The following FBXW7 variants were observed in gnomAD, a reference collection of about 807,000 sequenced individuals.
FBXW7 encodes F-box/WD repeat-containing protein 7.
A neutral mutation model predicts 86.3 loss-of-function variants in FBXW7; 11 were observed. The ratio of observed to expected loss-of-function variants is 0.13; its 90% CI spans 0.08 to 0.21. The LOEUF is 0.21. FBXW7 is among the 10% of genes least tolerant of loss of function. The probability of loss-of-function intolerance (pLI) is 1.00; values close to 1 mark genes in which losing one functional copy is unlikely to be tolerated. For synonymous variants in FBXW7, 313 were observed against 297.9 expected, an observed-to-expected ratio of 1.05 and a Z score of -0.52; for missense variants, 488 against 847.4, an observed-to-expected ratio of 0.58 and a Z score of 5.27.
intron 2 of FBXW7, among the ~76,000 whole-genome samples, chr4:152,445,266 A>G (rs924106990): frequency 4.6e-5 from 7 of 152,240 alleles, no homozygotes; most frequent in Admixed American, 6.5e-5. Flanking sequence ...AATCATTTAT[A>G]TTACATCTTC....
chr4:152,517,743 A>C (rs982382781), intron 2 of FBXW7, among the ~76,000 whole-genome samples: 1 of 152,232 alleles, frequency 6.6e-6, no homozygotes, highest in African/African-American at 2.4e-5. Flanking sequence ...TCACATAATA[A>C]ACACTCAAAT....
rs1359022079 is a variant in FBXW7, at chr4:152,535,489, C to A, written c.-575G>T. On this transcript the variant is annotated 5_prime_UTR_variant, in exon 1 of 14. Coordinates refer to ENST00000281708, the MANE Select transcript of FBXW7 (RefSeq NM_001349798.2). ...GCCGCTTCACATCGGGGTCCCCGCCCCCCCGGCCGGGGGGTGGTTGCCGAG... is the reference window on the plus strand; with the variant it reads ...GCCGCTTCACATCGGGGTCCCCGCCACCCCGGCCGGGGGGTGGTTGCCGAG... The A allele has an allele frequency of 1.3e-5, 5 of 394,590 alleles. No homozygotes were observed. The highest frequency in any genetic ancestry group is 1.3e-4 in the South Asian group (1 of 7,432). The allele number at this position is 394,590 out of a possible 1,614,324, so 24.4% of individuals were successfully genotyped here.
chr4:152,437,378 C>CAA (rs752037515), intron 2 of FBXW7, among the ~76,000 whole-genome samples: 1 of 127,684 alleles, frequency 7.8e-6, no homozygotes. Context: ...GACTCCATCT[C>CAA]AAAAAAAAAA....
At chr4:152,473,955 T>C (rs1361399038) in intron 2 of FBXW7, among the ~76,000 whole-genome samples, 3 of 152,104 alleles carry the variant, frequency 2.0e-5, no homozygotes, top group Admixed American at 6.6e-5. Flanking sequence ...GATTAACTTA[T>C]TGAAAATAAG....
chr4:152,323,764 G>A (rs897232860), intron 13 of FBXW7: 4 of 175,796 alleles, frequency 2.3e-5, no homozygotes, highest in Admixed American at 1.1e-4. Flanking sequence ...AGTTAAGCAC[G>A]TGACTAAGTG....
intron 2 of FBXW7, among the ~76,000 whole-genome samples, chr4:152,422,252 C>T (rs1288034649): frequency 1.3e-5 from 2 of 152,176 alleles, no homozygotes; most frequent in African/African-American, 2.4e-5. Context: ...CAGTTGCACA[C>T]TGGTAGTGGA....
chr4:152,506,934 T>C (rs895965792), intron 2 of FBXW7, among the ~76,000 whole-genome samples: 1 of 152,224 alleles, frequency 6.6e-6, no homozygotes, highest in Non-Finnish European at 1.5e-5. Flanking sequence ...TAATGCACAA[T>C]ATGAATGAAT....
intron 4 of FBXW7, among the ~76,000 whole-genome samples, chr4:152,370,340 C>T (rs748645398): frequency 6.6e-6 from 1 of 151,824 alleles, no homozygotes; most frequent in Non-Finnish European, 1.5e-5. Flanking sequence ...CAGATTTTCC[C>T]ATCATTATAT....
At chr4:152,481,620 A>G (rs1744883168) in intron 2 of FBXW7, among the ~76,000 whole-genome samples, 1 of 152,230 alleles carries the variant, frequency 6.6e-6, no homozygotes, top group South Asian at 2.1e-4. Context: ...CTTCAAAAAC[A>G]TTCATTATTC....
At chr4:152,468,227 T>A (rs1218959873) in intron 2 of FBXW7, among the ~76,000 whole-genome samples, 1 of 152,116 alleles carries the variant, frequency 6.6e-6, no homozygotes, top group African/African-American at 2.4e-5. Context: ...TTTTGAGAGT[T>A]CCTCAAAGAG....
chr4:152,421,003 C>T (rs762618623), intron 2 of FBXW7, among the ~76,000 whole-genome samples: 25 of 152,284 alleles, frequency 1.6e-4, no homozygotes, highest in Admixed American at 1.2e-3. Context: ...TCTTAGATGG[C>T]ATCTTCCAAT....
intron 7 of FBXW7, among the ~76,000 whole-genome samples, chr4:152,337,458 A>C (rs538083107): frequency 6.6e-6 from 1 of 152,108 alleles, no homozygotes; most frequent in African/African-American, 2.4e-5. Flanking sequence ...AAAATCTACT[A>C]TCATGAATAT....
chr4:152,520,249 A>C (rs956255834), intron 2 of FBXW7, among the ~76,000 whole-genome samples: 5 of 151,274 alleles, frequency 3.3e-5, no homozygotes, highest in African/African-American at 7.3e-5. Context: ...CTGGCTAACA[A>C]GGTGAAACCC....
chr4:152,332,860 C>T (rs565961633), intron 7 of FBXW7, 141 bp from the exon 8 acceptor site: 4 of 272,792 alleles, frequency 1.5e-5, no homozygotes, highest in Admixed American at 6.0e-5. Flanking sequence ...AAGGCAGTAA[C>T]TTCAGTCCTA....
At chr4:152,347,271 C>T (rs556653845) in intron 5 of FBXW7, among the ~76,000 whole-genome samples, 200 bp from the exon 6 acceptor site, 1 of 152,208 alleles carries the variant, frequency 6.6e-6, no homozygotes, top group Non-Finnish European at 1.5e-5. Flanking sequence ...AAGTTTCCTC[C>T]CTCCTATATA....
intron 4 of FBXW7, among the ~76,000 whole-genome samples, chr4:152,363,277 G>C (rs1431074787): frequency 6.6e-6 from 1 of 152,074 alleles, no homozygotes; most frequent in Non-Finnish European, 1.5e-5. Context: ...TATATTTTTA[G>C]ATCTAGATCT....
chr4:152,372,604 A>C (rs1212457745), intron 4 of FBXW7, among the ~76,000 whole-genome samples: 1 of 151,880 alleles, frequency 6.6e-6, no homozygotes, highest in Non-Finnish European at 1.5e-5. Flanking sequence ...CAGACAAGGG[A>C]CTGTGGACTT....
chr4:152,364,725 T>C (rs571277062), intron 4 of FBXW7, among the ~76,000 whole-genome samples: 2 of 152,270 alleles, frequency 1.3e-5, no homozygotes, highest in Admixed American at 6.5e-5. Context: ...AGCCAATCCA[T>C]CTTCATTAAT....
chr4:152,405,087 C>A (rs1737286896), intron 4 of FBXW7, among the ~76,000 whole-genome samples: 1 of 115,668 alleles, frequency 8.6e-6, no homozygotes, highest in Admixed American at 1.0e-4. Flanking sequence ...CAAAGCAAGA[C>A]CTTGTCTTAA....
Sources: gnomAD v4.1 joint callset for allele counts (sites outside exome capture counted in the v4.1 genomes callset) on GRCh38, gnomAD v4.1.1 for gene constraint, MANE v1.5 for transcripts, NCBI Gene and HGNC (gene_info 2026-07-23, HGNC 2026-07-21) for gene names.